The following TTC28 variants were observed in gnomAD, a reference collection of about 807,000 sequenced individuals.
TTC28 encodes the protein tetratricopeptide repeat protein 28.
In TTC28, 61 loss-of-function variants were observed where a neutral mutation model predicts 198.0. The observed-to-expected ratio is 0.31, with a 90% CI of 0.25 to 0.38. The LOEUF (loss-of-function observed/expected upper bound fraction) is 0.38, where lower values mean the gene tolerates loss of function less well. TTC28 is among the 10% of genes least tolerant of loss of function. The probability of loss-of-function intolerance (pLI) is 1.00; values close to 1 mark genes in which losing one functional copy is unlikely to be tolerated. For missense variants in TTC28, 2,678 were observed against 3,164.0 expected (o/e 0.85, Z 3.69); for synonymous variants, 1,171 against 1,297.8 (o/e 0.90, Z 2.10).
intron 6 of TTC28, among the ~76,000 whole-genome samples, chr22:28,152,833 C>G (rs1192074180): frequency 1.3e-5 from 2 of 152,062 alleles, no homozygotes; most frequent in East Asian, 3.9e-4. Flanking sequence ...CCATAGATTT[C>G]CATAGCAAGA....
chr22:28,509,034 T>C (rs1006161051), intron 2 of TTC28, among the ~76,000 whole-genome samples: 13 of 151,834 alleles, frequency 8.6e-5, no homozygotes, highest in African/African-American at 3.1e-4. Context: ...CTACTAAAAA[T>C]ACAAAAATTA....
At chr22:28,138,026 T>TAA (rs149566216) in intron 6 of TTC28, among the ~76,000 whole-genome samples, 19 of 151,440 alleles carry the variant, frequency 1.3e-4, no homozygotes, top group African/African-American at 4.6e-4. Context: ...TGTTTTTTTT[T>TAA]AAAAAAAAGG....
intron 1 of TTC28, among the ~76,000 whole-genome samples, chr22:28,659,126 C>T (rs1441032768): frequency 6.6e-6 from 1 of 152,198 alleles, no homozygotes; most frequent in Non-Finnish European, 1.5e-5. Context: ...GGCACCTTGA[C>T]GTTGAACTTC....
At position 28,547,952 on chromosome 22, in the gene TTC28, C is replaced by T. The variant is rs189412445; in HGVS notation, c.381+81600G>A. 1.5e-3 allele frequency among the ~76,000 whole-genome samples: 223 copies of T among 151,786 alleles called. 1 individual carries two copies. The highest frequency in any genetic ancestry group is 4.9e-3 in the African/African-American group (201 of 41,382). Reference sequence around the variant, plus strand: ...ATCACTCCATCAAGAATACTAGATACGAAAATTGTGGGTCATTAATCTATA... The same window carrying T: ...ATCACTCCATCAAGAATACTAGATATGAAAATTGTGGGTCATTAATCTATA... On this transcript the variant is annotated intron_variant, in intron 2 of 22. Transcript: ENST00000397906.
chr22:28,290,500 T>C (rs2044767370), intron 5 of TTC28, among the ~76,000 whole-genome samples: 1 of 152,150 alleles, frequency 6.6e-6, no homozygotes, highest in African/African-American at 2.4e-5. Context: ...ATAATTTGCA[T>C]TACAAGAGAA....
At chr22:28,055,935 T>C (rs1206208293) in intron 12 of TTC28, among the ~76,000 whole-genome samples, 2 of 152,204 alleles carry the variant, frequency 1.3e-5, no homozygotes, top group Non-Finnish European at 2.9e-5. Context: ...TAAATCTGTA[T>C]ATAGGTATTT....
chr22:28,365,790 A>G (rs775639915), intron 2 of TTC28, among the ~76,000 whole-genome samples: 5 of 152,222 alleles, frequency 3.3e-5, no homozygotes, highest in Non-Finnish European at 5.9e-5. Flanking sequence ...AATATTGCCA[A>G]ACATTACTAG....
intron 2 of TTC28, among the ~76,000 whole-genome samples, chr22:28,496,551 T>C (rs1601470191): frequency 6.6e-6 from 1 of 152,210 alleles, no homozygotes; most frequent in African/African-American, 2.4e-5. Flanking sequence ...AATTAGTTAA[T>C]ATGGTAGCTA....
At chr22:28,540,013 C>T (rs533959848) in intron 2 of TTC28, among the ~76,000 whole-genome samples, 1 of 145,092 alleles carries the variant, frequency 6.9e-6, no homozygotes, top group Non-Finnish European at 1.5e-5. Context: ...GGCACGATCT[C>T]GGCTCACTGC....
intron 2 of TTC28, among the ~76,000 whole-genome samples, chr22:28,535,407 A>C (rs547752944): frequency 6.6e-6 from 1 of 152,286 alleles, no homozygotes; most frequent in South Asian, 2.1e-4. Context: ...ACTATAAATT[A>C]ATGTTGCCTG....
intron 10 of TTC28, among the ~76,000 whole-genome samples, chr22:28,097,436 C>G (rs997990247): frequency 6.6e-6 from 1 of 152,172 alleles, no homozygotes; most frequent in African/African-American, 2.4e-5. Flanking sequence ...AAGAGTTTAA[C>G]CTCTAAGGTC....
chr22:28,268,907 T>C (rs895128857), intron 5 of TTC28, among the ~76,000 whole-genome samples: 1 of 152,216 alleles, frequency 6.6e-6, no homozygotes, highest in Non-Finnish European at 1.5e-5. Context: ...TATGACAATC[T>C]ATTCTTTCTG....
chr22:28,380,278 G>A (rs2046475001), intron 2 of TTC28, among the ~76,000 whole-genome samples: 1 of 152,052 alleles, frequency 6.6e-6, no homozygotes, highest in South Asian at 2.1e-4. Flanking sequence ...GGAGAGAGAA[G>A]CAATTGTGTT....
chr22:28,584,045 A>G (rs1234451322), intron 2 of TTC28, among the ~76,000 whole-genome samples: 3 of 139,412 alleles, frequency 2.2e-5, no homozygotes, highest in Non-Finnish European at 4.5e-5. Context: ...GCACAATCAT[A>G]GACAGCTGAC....
intron 6 of TTC28, among the ~76,000 whole-genome samples, chr22:28,151,418 G>T (rs549339158): frequency 1.3e-5 from 2 of 152,178 alleles, no homozygotes; most frequent in African/African-American, 4.8e-5. Flanking sequence ...AGCCTCTCTT[G>T]CAACAGTCCA....
chr22:28,094,375 CA>C, intron 11 of TTC28, 130 bp from the exon 12 acceptor site: 1 of 1,071,930 alleles, frequency 9.3e-7, no homozygotes, highest in Non-Finnish European at 1.3e-6. Flanking sequence ...CAAACCCTGT[CA>C]AAAAATCCTG....
chr22:27,984,866 A>G (rs1270244521), intron 22 of TTC28, among the ~76,000 whole-genome samples: 1 of 152,124 alleles, frequency 6.6e-6, no homozygotes, highest in Non-Finnish European at 1.5e-5. Flanking sequence ...CCTTAAGAAC[A>G]TCAGTCGGGC....
chr22:28,310,413 T>C (rs1423634832), intron 2 of TTC28, among the ~76,000 whole-genome samples: 4 of 152,004 alleles, frequency 2.6e-5, no homozygotes, highest in Non-Finnish European at 4.4e-5. Flanking sequence ...CCCCAGAGGG[T>C]TGAAATAAAA....
At chr22:28,042,763 A>T (rs1368753903) in intron 12 of TTC28, among the ~76,000 whole-genome samples, 2 of 151,776 alleles carry the variant, frequency 1.3e-5, no homozygotes, top group African/African-American at 4.8e-5. Flanking sequence ...CCTTTTAGGG[A>T]TAGCAAAGAA....
Sources: allele counts gnomAD v4.1 joint callset (sites outside exome capture counted in the v4.1 genomes callset), GRCh38; gene constraint gnomAD v4.1.1; transcripts MANE v1.5; gene names NCBI Gene and HGNC (gene_info 2026-07-23, HGNC 2026-07-21).